BRINP2: variants seen among roughly 807,000 people sequenced by gnomAD.
BRINP2 encodes BMP/retinoic acid inducible neural specific 2.
A neutral mutation model predicts 69.2 loss-of-function variants in BRINP2; 21 were observed. The ratio of observed to expected loss-of-function variants is 0.30; its 90% CI spans 0.22 to 0.44. BRINP2 has a LOEUF of 0.44. BRINP2 is among the 20% of genes least tolerant of loss of function. BRINP2 has a pLI of 1.00. For synonymous variants in BRINP2, 380 were observed against 394.1 expected (o/e 0.96, Z 0.42); for missense variants, 877 against 986.0 (o/e 0.89, Z 1.48).
At chr1:177,204,363 G>T (rs954982285) in intron 1 of BRINP2, among the ~76,000 whole-genome samples, 8 of 152,024 alleles carry the variant, frequency 5.3e-5, no homozygotes, top group African/African-American at 1.9e-4. Flanking sequence ...TGGAGGTGAG[G>T]TCACCAGGGG....
intron 2 of BRINP2, among the ~76,000 whole-genome samples, chr1:177,246,513 T>G (rs1310142223): frequency 6.6e-6 from 1 of 152,230 alleles, no homozygotes; most frequent in Admixed American, 6.5e-5. Flanking sequence ...AAAAAACAGT[T>G]TGGATATCAA....
chr1:177,268,980 A>T (rs1571944522), intron 4 of BRINP2, among the ~76,000 whole-genome samples: 1 of 152,194 alleles, frequency 6.6e-6, no homozygotes, highest in African/African-American at 2.4e-5. Context: ...TCACCTGCAC[A>T]CAGGGCTTAC....
At chr1:177,213,323 C>T (rs1649282040) in intron 1 of BRINP2, among the ~76,000 whole-genome samples, 1 of 152,112 alleles carries the variant, frequency 6.6e-6, no homozygotes, top group African/African-American at 2.4e-5. Context: ...CACGCCTGGC[C>T]TTACCTCACT....
chr1:177,235,740 T>A (rs1650001567), intron 2 of BRINP2, among the ~76,000 whole-genome samples: 1 of 152,222 alleles, frequency 6.6e-6, no homozygotes, highest in South Asian at 2.1e-4. Flanking sequence ...AACTTCAGTC[T>A]GCCTGGGTAA....
At chr1:177,178,643 T>G (rs1648155949) in intron 1 of BRINP2, among the ~76,000 whole-genome samples, 1 of 152,160 alleles carries the variant, frequency 6.6e-6, no homozygotes, top group South Asian at 2.1e-4. Flanking sequence ...CTGTTTTTGC[T>G]CTGTACTCAC....
At chr1:177,256,269 C>G (rs1207805484) in intron 3 of BRINP2, 160 bp downstream of exon 3, 35 of 973,462 alleles carry the variant, frequency 3.6e-5, no homozygotes, top group Non-Finnish European at 4.2e-5. Flanking sequence ...CTCTTGACAT[C>G]TCAATTTACC....
chr1:177,273,264 AC>A (rs1651388650), intron 4 of BRINP2, among the ~76,000 whole-genome samples: 1 of 152,118 alleles, frequency 6.6e-6, no homozygotes, highest in African/African-American at 2.4e-5. Context: ...AAAGGCTCTT[AC>A]TTATATATAA....
intron 1 of BRINP2, among the ~76,000 whole-genome samples, chr1:177,199,831 G>A (rs983667341): frequency 1.3e-5 from 2 of 152,174 alleles, no homozygotes; most frequent in African/African-American, 4.8e-5. Context: ...CTCAAGCAAT[G>A]CATCTGCAGA....
chr1:177,235,712 T>A lies in BRINP2; in HGVS notation c.269+5567T>A, dbSNP rs550256332. Among the ~76,000 whole-genome samples the A allele has an allele frequency of 2.8e-4, 43 of 152,272 alleles. No homozygotes were observed. In the East Asian group the frequency reaches 7.5e-3, roughly 27 times the overall value. The stretch of plus-strand genomic sequence containing the variant: ...ATTAAGAGATCACAGTCCATATAAA[T>A]AAACAGCAACCAAAGACAACTTCAG... On this transcript the variant is annotated intron_variant, in intron 2 of 7. Transcript: ENST00000361539.
At chr1:177,216,102 C>T (rs1649367753) in intron 1 of BRINP2, among the ~76,000 whole-genome samples, 1 of 151,894 alleles carries the variant, frequency 6.6e-6, no homozygotes, top group Non-Finnish European at 1.5e-5. Flanking sequence ...GAATTTAATT[C>T]ATTTATTTTC....
At chr1:177,228,022 T>C (rs1190244044) in intron 1 of BRINP2, among the ~76,000 whole-genome samples, 1 of 152,210 alleles carries the variant, frequency 6.6e-6, no homozygotes, top group Non-Finnish European at 1.5e-5. Flanking sequence ...TGTACTACAT[T>C]CTTTATCAAG....
rs765386717 is a variant in BRINP2, at chr1:177,281,032, A to T, written c.1856A>T (p.Asp619Val). 10 of 1,614,074 alleles carry T rather than the reference A, an allele frequency of 6.2e-6. No individual in the cohort carries two copies. Among genetic ancestry groups the T allele is most frequent in the Middle Eastern group, 1.6e-4 (1 of 6,084 alleles). ...CCTGACTGGGAAAGGACTAACGTGG[A>T]TGCAGCTGCCCAGTGCCAAAACTGG... ...SFPDWERTNV[D>V]AAAQCQNWTI... Residue 619 changes from aspartate to valine, a missense_variant, in exon 8 of 8, where the codon GAT becomes GTT. This residue lies in a region of BRINP2 where 225 missense variants were observed against 218.7 expected (regional missense o/e 1.03). Coordinates refer to ENST00000361539, the MANE Select transcript of BRINP2 (RefSeq NM_021165.4).
rs370267758 is a variant in BRINP2 at position 177,273,581 on chromosome 1, G to T, written c.763G>T (p.Val255Leu). 6.3e-7 allele frequency: 1 copy of T among 1,584,074 alleles called. No homozygotes were observed. The highest frequency in any genetic ancestry group is 2.3e-5 in the East Asian group (1 of 43,064). The change falls in exon 5 of 8, where the codon GTA becomes TTA. Residue 255 changes from valine (V) to leucine (L), a missense_variant. Val to Leu is a conservative substitution (Grantham distance 32, BLOSUM62 1). Transcript: ENST00000361539. Reference protein sequence around the residue: ...SVLVQSPENKVQLLGLQVLLP... With the variant: ...SVLVQSPENKLQLLGLQVLLP... The stretch of plus-strand genomic sequence containing the variant: ...CTTGGTACAGAGTCCAGAGAACAAA[G>T]TACAGTTACTTGGTAAGCAGCACTA...
At chr1:177,255,846 AC>A in intron 2 of BRINP2, 72 bp from the exon 3 acceptor site, 1 of 1,453,090 alleles carries the variant, frequency 6.9e-7, no homozygotes, top group Non-Finnish European at 9.5e-7. Context: ...GAAGAACATT[AC>A]CTACTTCAGA....
chr1:177,240,458 G>C (rs1459923019), intron 2 of BRINP2, among the ~76,000 whole-genome samples: 1 of 152,076 alleles, frequency 6.6e-6, no homozygotes, highest in African/African-American at 2.4e-5. Flanking sequence ...ATTATATGTT[G>C]ATTAAAGAAT....
intron 1 of BRINP2, among the ~76,000 whole-genome samples, chr1:177,200,232 C>T (rs1485830435): frequency 2.1e-5 from 2 of 93,908 alleles, no homozygotes; most frequent in African/African-American, 7.7e-5. Context: ...GCAGAGGTTG[C>T]AGTGAGCTGA....
At chr1:177,214,296 G>A (rs1238789334) in intron 1 of BRINP2, among the ~76,000 whole-genome samples, 2 of 152,124 alleles carry the variant, frequency 1.3e-5, no homozygotes, top group East Asian at 3.9e-4. Context: ...AGCCGGGCCT[G>A]GTGGCCGGAG....
intron 4 of BRINP2, among the ~76,000 whole-genome samples, chr1:177,270,540 G>T (rs1364570716): frequency 6.6e-6 from 1 of 151,456 alleles, no homozygotes; most frequent in East Asian, 2.0e-4. Flanking sequence ...AGGGATGGGG[G>T]AGGGAGAAGT....
rs187005931 is a variant in BRINP2 at position 177,226,128 on chromosome 1, C to T, written c.-76-3673C>T. Among the ~76,000 whole-genome samples, 40 of 152,314 alleles carry T rather than the reference C, an allele frequency of 2.6e-4. No homozygotes were observed. In the East Asian group the frequency reaches 4.6e-3, roughly 18 times the overall value. On this transcript the variant is annotated intron_variant, in intron 1 of 7. Transcript: ENST00000361539. ...AGCACACAGGTTTTTCACATGTGTG[C>T]TCTCACCTGTCCTTAGAAACCTTCT...
Sources: gnomAD v4.1 joint callset for allele counts (sites outside exome capture counted in the v4.1 genomes callset) on GRCh38, gnomAD v4.1.1 for gene constraint, gnomAD v4.1.1 regional missense constraint, MANE v1.5 for transcripts, NCBI Gene and HGNC (gene_info 2026-07-23, HGNC 2026-07-21) for gene names.